HECW1: variants seen among roughly 807,000 people sequenced by gnomAD.
HECW1 encodes HECT, C2 and WW domain containing E3 ubiquitin protein ligase 1, also known as E3 ubiquitin-protein ligase HECW1.
In HECW1, 61 loss-of-function variants were observed where a neutral mutation model predicts 182.3. That is an observed-to-expected ratio of 0.33 (90% confidence interval 0.27 to 0.41). The LOEUF is 0.41. Among genes scored for constraint, HECW1 ranks in the 10% least tolerant of loss-of-function variants. The pLI, the probability that HECW1 is intolerant of heterozygous loss-of-function variation, is 1.00. For missense variants in HECW1, 1,739 were observed against 2,108.9 expected (o/e 0.82, Z 3.44); for synonymous variants, 859 against 832.6 (o/e 1.03, Z -0.55).
At chr7:43,366,284 G>A (rs1217548200) in intron 6 of HECW1, among the ~76,000 whole-genome samples, 1 of 151,894 alleles carries the variant, frequency 6.6e-6, no homozygotes, top group Non-Finnish European at 1.5e-5. Context: ...TCTAAAATAG[G>A]GCCAAGATTT....
At chr7:43,263,730 G>T (rs183146077) in intron 3 of HECW1, among the ~76,000 whole-genome samples, 87 of 152,226 alleles carry the variant, frequency 5.7e-4, no homozygotes, top group Non-Finnish European at 7.8e-4. Flanking sequence ...AGGGAGGAAG[G>T]TGGGAAGGAG....
At chr7:43,348,492 T>G (rs1051407537) in intron 5 of HECW1, among the ~76,000 whole-genome samples, 2 of 151,256 alleles carry the variant, frequency 1.3e-5, no homozygotes, top group Non-Finnish European at 3.0e-5. Flanking sequence ...CTTTTGTAAT[T>G]TTTTTTTTGT....
At chr7:43,216,525 T>G (rs1416697992) in intron 2 of HECW1, among the ~76,000 whole-genome samples, 1 of 152,040 alleles carries the variant, frequency 6.6e-6, no homozygotes, top group East Asian at 1.9e-4. Flanking sequence ...ACCACTGAGT[T>G]TTTCTCTTTC....
intron 3 of HECW1, among the ~76,000 whole-genome samples, chr7:43,250,426 C>CA (rs1410814639): frequency 6.6e-6 from 1 of 152,180 alleles, no homozygotes; most frequent in Non-Finnish European, 1.5e-5. Context: ...ATGAGAGATA[C>CA]AGCTGTTAGC....
chr7:43,504,307 A>G (rs1373144602), intron 21 of HECW1, among the ~76,000 whole-genome samples: 1 of 152,134 alleles, frequency 6.6e-6, no homozygotes, highest in African/African-American at 2.4e-5. Flanking sequence ...GATCATCTCC[A>G]CAATCGCTAA....
At chr7:43,138,033 G>C (rs1236413858) in intron 2 of HECW1, among the ~76,000 whole-genome samples, 1 of 151,090 alleles carries the variant, frequency 6.6e-6, no homozygotes, top group African/African-American at 2.4e-5. Flanking sequence ...AAATTCTTTT[G>C]CATCTCTCTC....
intron 2 of HECW1, among the ~76,000 whole-genome samples, chr7:43,187,141 C>T (rs780608900): frequency 3.9e-5 from 6 of 152,240 alleles, no homozygotes; most frequent in Non-Finnish European, 7.3e-5. Context: ...TGGTTGTTTT[C>T]CTTGCTACCT....
chr7:43,541,161 A>G lies in HECW1; in HGVS notation c.4020-2A>G. On this transcript the variant is annotated splice_acceptor_variant, in intron 24 of 29. Coordinates refer to ENST00000395891, the MANE Select transcript of HECW1 (RefSeq NM_015052.5). LOFTEE classifies it high-confidence loss of function. ...GATTTCTCTGCCTTGTCTGTGTTCC[A>G]GGTTCAGGTTTAGCGGTCGCATCCT... 1.2e-6 allele frequency: 2 copies of G among 1,612,074 alleles called. No individual in the cohort carries two copies. Among genetic ancestry groups the G allele is most frequent in the Non-Finnish European group, 1.7e-6 (2 of 1,178,112 alleles).
chr7:43,322,557 C>A (rs1810263121), intron 5 of HECW1, among the ~76,000 whole-genome samples: 1 of 152,178 alleles, frequency 6.6e-6, no homozygotes, highest in Non-Finnish European at 1.5e-5. Context: ...CACAGCCCTA[C>A]TTCTCCATCC....
At chr7:43,337,892 C>A (rs946079633) in intron 5 of HECW1, among the ~76,000 whole-genome samples, 1 of 152,188 alleles carries the variant, frequency 6.6e-6, no homozygotes, top group African/African-American at 2.4e-5. Flanking sequence ...GAACAAACAT[C>A]CAGTTCCTGC....
chr7:43,238,008 T>C (rs571294406), intron 2 of HECW1, among the ~76,000 whole-genome samples: 213 of 152,286 alleles, frequency 1.4e-3, no homozygotes, highest in Non-Finnish European at 2.2e-3. Flanking sequence ...TCATATTGCT[T>C]TTTGTAAAAG....
chr7:43,289,667 A>G (rs530610014), intron 3 of HECW1, among the ~76,000 whole-genome samples: 2 of 152,340 alleles, frequency 1.3e-5, no homozygotes, highest in East Asian at 3.9e-4. Context: ...ACTCTGTAAA[A>G]TATTTAAAGA....
chr7:43,382,267 C>A (rs1265116033), intron 6 of HECW1, among the ~76,000 whole-genome samples: 2 of 149,900 alleles, frequency 1.3e-5, no homozygotes, highest in Non-Finnish European at 3.0e-5. Flanking sequence ...GCCTGGGCGA[C>A]AGAGCGAGAC....
At chr7:43,139,880 T>G (rs1787983368) in intron 2 of HECW1, among the ~76,000 whole-genome samples, 1 of 152,208 alleles carries the variant, frequency 6.6e-6, no homozygotes, top group Non-Finnish European at 1.5e-5. Context: ...CTGGGTGTCT[T>G]AGGTGAATTG....
intron 1 of HECW1, chr7:43,113,909 T>A (rs1415369532): frequency 3.7e-6 from 1 of 271,512 alleles, no homozygotes; most frequent in African/African-American, 2.2e-5. Flanking sequence ...CACCATAACT[T>A]CTTCCCTGCC....
intron 6 of HECW1, among the ~76,000 whole-genome samples, chr7:43,388,748 G>A (rs371561046): frequency 2.6e-5 from 4 of 152,192 alleles, no homozygotes; most frequent in Admixed American, 2.0e-4. Flanking sequence ...TCAGCCCCTC[G>A]AGTAGCTGGG....
At position 43,444,837 on chromosome 7, in the gene HECW1, C is replaced by G; in HGVS notation, c.1665C>G (p.Thr555=). Reference sequence around the variant, plus strand: ...CGTCAGCCTGCGGGGACCCCGAGACCCCGCGGACACACTACATCCGCATCC... The same window carrying G: ...CGTCAGCCTGCGGGGACCCCGAGACGCCGCGGACACACTACATCCGCATCC... ...VIASACGDPE[T]PRTHYIRIHT... The change falls in exon 11 of 30, where the codon ACC becomes ACG. Residue 555 remains threonine, a synonymous_variant. Transcript: ENST00000395891. The surrounding 1 kb of genome is among the most constrained non-coding windows in gnomAD (Gnocchi z 4.3). 6.2e-7 allele frequency: 1 copy of G among 1,613,780 alleles called. No individual in the cohort carries two copies. Among genetic ancestry groups the G allele is most frequent in the Non-Finnish European group, 8.5e-7 (1 of 1,179,968 alleles).
chr7:43,189,723 A>C (rs915781882), intron 2 of HECW1, among the ~76,000 whole-genome samples: 4 of 152,224 alleles, frequency 2.6e-5, no homozygotes, highest in Non-Finnish European at 1.5e-5. Flanking sequence ...TTTGCACTGG[A>C]GAAGAGTTTC....
chr7:43,461,238 G>T (rs986628687), intron 13 of HECW1, among the ~76,000 whole-genome samples: 1 of 152,234 alleles, frequency 6.6e-6, no homozygotes, highest in African/African-American at 2.4e-5. Context: ...CATATTAGGA[G>T]GTTGATGCTG....
Sources: allele counts gnomAD v4.1 joint callset (sites outside exome capture counted in the v4.1 genomes callset), GRCh38; gene constraint gnomAD v4.1.1; non-coding constraint Gnocchi (gnomAD v3.1); transcripts MANE v1.5; gene names NCBI Gene and HGNC (gene_info 2026-07-23, HGNC 2026-07-21).